NTN1: variants seen among roughly 807,000 people sequenced by gnomAD.
NTN1 encodes netrin-1.
A neutral mutation model predicts 54.2 loss-of-function variants in NTN1; 11 were observed. That is an observed-to-expected ratio of 0.20 (90% CI 0.13 to 0.34). The LOEUF is 0.34. Among genes scored for constraint, NTN1 ranks in the 10% least tolerant of loss-of-function variants. The pLI, the probability that NTN1 is intolerant of heterozygous loss-of-function variation, is 1.00. For synonymous variants in NTN1, 371 were observed against 382.0 expected, an observed-to-expected ratio of 0.97 and a Z score of 0.33; for missense variants, 740 against 893.1, an observed-to-expected ratio of 0.83 and a Z score of 2.18.
chr17:9,080,755 T>C (rs1358237860), intron 2 of NTN1, among the ~76,000 whole-genome samples: 2 of 152,166 alleles, frequency 1.3e-5, no homozygotes, highest in Non-Finnish European at 2.9e-5. Flanking sequence ...CCGTGGCCAA[T>C]GATTTAATCA....
At chr17:9,046,084 A>T (rs1433779976) in intron 2 of NTN1, among the ~76,000 whole-genome samples, 1 of 152,250 alleles carries the variant, frequency 6.6e-6, no homozygotes, top group African/African-American at 2.4e-5. Context: ...TGCTTCAAAG[A>T]TACAATCAAG....
Position 9,241,473 on chromosome 17 carries a change from C to A in NTN1, c.*1505C>A. 1 of 153,324 alleles carries A rather than the reference C, an allele frequency of 6.5e-6. No individual in the cohort carries two copies. The allele number at this position is 153,324 out of a possible 1,614,324, so 9.5% of individuals were successfully genotyped here. ...CTGGCTCCCTGCCTTCCTGGGCTCT[C>A]TGCACTGCCCGGGCCTCTGGCCCAC... is the stretch of plus-strand genomic sequence containing the variant. On this transcript the variant is annotated 3_prime_UTR_variant, in exon 7 of 7. Transcript: ENST00000173229.
chr17:9,053,800 A>G (rs1490823677), intron 2 of NTN1, among the ~76,000 whole-genome samples: 1 of 152,244 alleles, frequency 6.6e-6, no homozygotes, highest in Admixed American at 6.5e-5. Context: ...ACCCAAATGA[A>G]ATGACCAGCT....
At chr17:9,206,909 T>G (rs1904982758) in intron 5 of NTN1, among the ~76,000 whole-genome samples, 1 of 152,160 alleles carries the variant, frequency 6.6e-6, no homozygotes, top group Admixed American at 6.5e-5. Flanking sequence ...TTGCAGCATT[T>G]TCCAAAATTG....
intron 2 of NTN1, among the ~76,000 whole-genome samples, chr17:9,141,889 C>T (rs1033707597): frequency 6.6e-5 from 10 of 152,098 alleles, no homozygotes; most frequent in Non-Finnish European, 1.2e-4. Context: ...TGGTGAAACC[C>T]TGTCTCTACT....
In NTN1 at chr17:9,022,498, C is replaced by G. The variant is rs764914777; in HGVS notation, c.125C>G (p.Ser42Trp). 3.9e-6 allele frequency: 6 copies of G among 1,542,332 alleles called. No individual in the cohort carries two copies. The highest frequency in any genetic ancestry group is 5.2e-6 in the Non-Finnish European group (6 of 1,148,008). ...AGQAAQPDPCSDENGHPRRCI... is the reference protein window; with the variant it reads ...AGQAAQPDPCWDENGHPRRCI... ...CAGGCGGCGCAGCCCGATCCCTGCTCGGACGAGAACGGCCACCCGCGCCGC... is the reference window on the plus strand; with the variant it reads ...CAGGCGGCGCAGCCCGATCCCTGCTGGGACGAGAACGGCCACCCGCGCCGC... The change falls in exon 2 of 7, where the codon TCG becomes TGG. Residue 42 changes from serine (S) to tryptophan (W), a missense_variant. Ser to Trp is a radical substitution (Grantham distance 177). Coordinates refer to ENST00000173229, the MANE Select transcript of NTN1 (RefSeq NM_004822.3).
chr17:9,160,160 G>A (rs1182978124), intron 2 of NTN1, among the ~76,000 whole-genome samples: 1 of 152,118 alleles, frequency 6.6e-6, no homozygotes, highest in East Asian at 1.9e-4. Context: ...GGCTCAGGCT[G>A]GAGTACAGTG....
At chr17:9,048,750 G>T (rs1039223817) in intron 2 of NTN1, among the ~76,000 whole-genome samples, 1 of 151,810 alleles carries the variant, frequency 6.6e-6, no homozygotes, top group Non-Finnish European at 1.5e-5. Context: ...TCTGTCTCCC[G>T]GGTTCAAGCA....
At chr17:9,129,916 G>A (rs761290471) in intron 2 of NTN1, among the ~76,000 whole-genome samples, 49 of 152,186 alleles carry the variant, frequency 3.2e-4, no homozygotes, top group Non-Finnish European at 6.5e-4. Context: ...TGAAAGCTGC[G>A]AGTTCACCAG....
Position 9,193,938 on chromosome 17 carries a change from A to AAAAAAAAAAAAAAAC in NTN1, c.1411+10975_1411+10976insAAAAAAAACAAAAAA, listed in dbSNP as rs796452392. On this transcript the variant is annotated intron_variant, in intron 5 of 6. Coordinates refer to ENST00000173229, the MANE Select transcript of NTN1 (RefSeq NM_004822.3). ...CTCCGACTAAAAAAAAAAAAAAAAAAAAAAAACATTATGCAGGTTGGGCGC... is the reference window on the plus strand; with the variant it reads ...CTCCGACTAAAAAAAAAAAAAAAAAAAAAAAAAAAAAAAACAAAAAACATTATGCAGGTTGGGCGC... Among the ~76,000 whole-genome samples, 52 of 108,338 alleles carry AAAAAAAAAAAAAAAC rather than the reference A, an allele frequency of 4.8e-4. 1 individual carries two copies. The highest frequency in any genetic ancestry group is 8.6e-4 in the Non-Finnish European group (45 of 52,318). The allele number at this position is 108,338 out of a possible 152,430, so 71.1% of individuals were successfully genotyped here. A position where few individuals can be genotyped will look rare whatever the true frequency, so the allele number is the denominator to read the frequency against.
intron 2 of NTN1, among the ~76,000 whole-genome samples, chr17:9,079,071 G>C (rs1253345853): frequency 2.0e-5 from 3 of 152,198 alleles, no homozygotes; most frequent in Non-Finnish European, 2.9e-5. Flanking sequence ...TGGGGGAGAA[G>C]ACCCATGGGC....
intron 3 of NTN1, among the ~76,000 whole-genome samples, chr17:9,169,857 T>G (rs986629410): frequency 2.6e-5 from 4 of 152,132 alleles, no homozygotes; most frequent in African/African-American, 4.8e-5. Flanking sequence ...AGGGCGAGAC[T>G]CCGTCTCAAA....
intron 2 of NTN1, among the ~76,000 whole-genome samples, chr17:9,058,576 C>A (rs940353303): frequency 2.3e-5 from 3 of 129,894 alleles, no homozygotes; most frequent in Non-Finnish European, 4.6e-5. Context: ...TTGTAGGATA[C>A]CTTATAGGAT....
At chr17:9,167,840 C>T (rs763668087) in intron 3 of NTN1, among the ~76,000 whole-genome samples, 3 of 152,202 alleles carry the variant, frequency 2.0e-5, no homozygotes, top group Admixed American at 6.5e-5. Context: ...TGATTCTCCA[C>T]CTTCACTGTA....
intron 2 of NTN1, among the ~76,000 whole-genome samples, chr17:9,029,371 G>A (rs2091881723): frequency 6.6e-6 from 1 of 152,218 alleles, no homozygotes. Context: ...GGATAAGTCT[G>A]CAGGGCACGT....
chr17:9,224,829 T>A (rs4357981), intron 6 of NTN1, among the ~76,000 whole-genome samples: 2,651 of 151,864 alleles, frequency 0.017, 91 homozygotes, highest in African/African-American at 0.059. Flanking sequence ...GGATCCCCCC[T>A]GGGAGCTGAT....
intron 2 of NTN1, among the ~76,000 whole-genome samples, chr17:9,126,673 G>C (rs2092248554): frequency 6.6e-6 from 1 of 152,162 alleles, no homozygotes; most frequent in Admixed American, 6.5e-5. Flanking sequence ...GAAAAATTAG[G>C]GCTTCGCATT....
At chr17:9,106,449 TTTCCTTCCTTCCTTCCTCCCTTCC>T (rs1314002479) in intron 2 of NTN1, among the ~76,000 whole-genome samples, 2,650 of 149,444 alleles carry the variant, frequency 0.018, 50 homozygotes, top group Non-Finnish European at 0.021. Flanking sequence ...CAAAATGGCA[TTTCCTTCCTTCCTTCCTCCCTTCC>T]TTCCTTCCTT....
rs1906104571 is a variant in NTN1, at chr17:9,239,341, C to T, written c.1487-299C>T. ...GACAGCTTGCCCAGAGTGCTGGGGG[C>T]GTGGTCAGCACCTGTAGGCTTCCTG... On this transcript the variant is annotated intron_variant, in intron 6 of 6. Transcript: ENST00000173229. This position sits in a 1 kb window ranked among gnomAD's most constrained non-coding sequence, Gnocchi z 5.2. 6.6e-6 allele frequency among the ~76,000 whole-genome samples: 1 copy of T among 152,190 alleles called. No individual in the cohort carries two copies. Among genetic ancestry groups the T allele is most frequent in the East Asian group, 1.9e-4 (1 of 5,192 alleles).
Sources: gnomAD v4.1 joint callset for allele counts (sites outside exome capture counted in the v4.1 genomes callset) on GRCh38, gnomAD v4.1.1 for gene constraint, Gnocchi (gnomAD v3.1) non-coding constraint, MANE v1.5 for transcripts, NCBI Gene and HGNC (gene_info 2026-07-23, HGNC 2026-07-21) for gene names.